SWAP70: variants seen among roughly 807,000 people sequenced by gnomAD.
SWAP70 encodes switching B cell complex subunit SWAP70.
SWAP70 carries 34 observed loss-of-function variants against 80.2 expected under a neutral mutation model. The ratio of observed to expected loss-of-function variants is 0.42; its 90% confidence interval spans 0.32 to 0.56. The LOEUF (loss-of-function observed/expected upper bound fraction) is 0.56. SWAP70 is among the 20% of genes least tolerant of loss of function. The probability of loss-of-function intolerance (pLI) is 0.09; values close to 1 mark genes in which losing one functional copy is unlikely to be tolerated. For synonymous variants in SWAP70, 239 were observed against 238.5 expected (o/e 1.00, Z -0.02); for missense variants, 578 against 690.7 (o/e 0.84, Z 1.83).
intron 1 of SWAP70, among the ~76,000 whole-genome samples, chr11:9,671,765 TAATATA>T (rs1254876128): frequency 2.1e-5 from 1 of 47,968 alleles, no homozygotes; most frequent in Non-Finnish European, 3.7e-5. Context: ...TATAAATATA[TAATATA>T]AATATAATAT....
intron 4 of SWAP70, among the ~76,000 whole-genome samples, chr11:9,725,528 AAAATATAT>A (rs1165547156): frequency 1.1e-4 from 8 of 74,786 alleles, no homozygotes; most frequent in Admixed American, 1.9e-4. Flanking sequence ...TTAAAAATAC[AAAATATAT>A]ATATATATAT....
chr11:9,674,504 A>G (rs1850461998), intron 1 of SWAP70, among the ~76,000 whole-genome samples: 1 of 151,922 alleles, frequency 6.6e-6, no homozygotes, highest in Non-Finnish European at 1.5e-5. Context: ...GTTTGAAAAC[A>G]GCCTGGAAAA....
At chr11:9,701,722 G>GAC (rs1850835860) in intron 2 of SWAP70, among the ~76,000 whole-genome samples, 2 of 114,104 alleles carry the variant, frequency 1.8e-5, no homozygotes, top group Non-Finnish European at 3.5e-5. Context: ...TTTTGGCAGA[G>GAC]ACACTATTGC....
At chr11:9,688,069 A>G (rs534040967) in intron 1 of SWAP70, among the ~76,000 whole-genome samples, 29 of 152,132 alleles carry the variant, frequency 1.9e-4, no homozygotes, top group African/African-American at 7.0e-4. Flanking sequence ...ACTTAGGCCA[A>G]GTCTCAGGCC....
chr11:9,722,241 A>AG (rs35089839), intron 3 of SWAP70, among the ~76,000 whole-genome samples: 49,655 of 151,990 alleles, frequency 0.33, 8,321 homozygotes, highest in Non-Finnish European at 0.35. Flanking sequence ...ATTAAGGCTT[A>AG]CTTAGTTAAT....
chr11:9,681,081 C>T (rs1444370108), intron 1 of SWAP70: 1 of 153,948 alleles, frequency 6.5e-6, no homozygotes, highest in Non-Finnish European at 1.5e-5. Context: ...AACGACCATC[C>T]TCGATAGAGG....
intron 3 of SWAP70, among the ~76,000 whole-genome samples, chr11:9,724,196 G>A (rs1033172025): frequency 2.6e-5 from 4 of 152,192 alleles, no homozygotes; most frequent in African/African-American, 9.7e-5. Context: ...TGTTCCAGTG[G>A]GAGGAAGCAG....
intron 9 of SWAP70, among the ~76,000 whole-genome samples, chr11:9,743,364 G>A (rs542549528): frequency 4.6e-5 from 7 of 151,818 alleles, no homozygotes; most frequent in African/African-American, 1.2e-4. Flanking sequence ...AAACATACTT[G>A]TGCATGTGTC....
At chr11:9,723,123 G>A (rs1851161376) in intron 3 of SWAP70, among the ~76,000 whole-genome samples, 1 of 152,074 alleles carries the variant, frequency 6.6e-6, no homozygotes, top group South Asian at 2.1e-4. Context: ...GTCAGGCTCT[G>A]GCTTTTGTTT....
At position 9,732,547 on chromosome 11, in the gene SWAP70, A is replaced by G. The variant is rs746954278; in HGVS notation, c.917A>G (p.His306Arg). The G allele has an allele frequency of 1.1e-5, 18 of 1,605,886 alleles. No individual in the cohort carries two copies. The highest frequency in any genetic ancestry group is 3.4e-5 in the Admixed American group (2 of 59,234). ...TTTACAGCCATTCATTCTACTATTC[A>G]TCTGTTGAAGCTGGGCAGCCCTCCA... ...EWIQAIHSTI[H>R]LLKLGSPPPH... The change falls in exon 7 of 12, where the codon CAT becomes CGT. Residue 306 changes from histidine to arginine, a missense_variant. Coordinates refer to ENST00000318950, the MANE Select transcript of SWAP70 (RefSeq NM_015055.4).
At position 9,709,326 on chromosome 11, in the gene SWAP70, G is replaced by A. The variant is rs570738064; in HGVS notation, c.241-4140G>A. On this transcript the variant is annotated intron_variant, in intron 2 of 11. Coordinates refer to ENST00000318950, the MANE Select transcript of SWAP70 (RefSeq NM_015055.4). ...ATGTTTTTGGTAGAAATAAGATGTC[G>A]CTATATTGCCTATATTGGTCTCGAG... 3.5e-4 allele frequency among the ~76,000 whole-genome samples: 53 copies of A among 152,038 alleles called. 1 individual carries two copies. Among genetic ancestry groups the A allele is most frequent in the South Asian group, 8.3e-4 (4 of 4,816 alleles).
intron 1 of SWAP70, among the ~76,000 whole-genome samples, chr11:9,682,374 T>G (rs1481562394): frequency 6.6e-6 from 1 of 152,166 alleles, no homozygotes; most frequent in Non-Finnish European, 1.5e-5. Flanking sequence ...GATACCAAAG[T>G]CAGAATCAGG....
At chr11:9,706,395 C>T (rs67598578) in intron 2 of SWAP70, among the ~76,000 whole-genome samples, 15,477 of 151,386 alleles carry the variant, frequency 0.1, 1,552 homozygotes, top group African/African-American at 0.25. Flanking sequence ...TGTTTTTTTT[C>T]CCCCCATTTT....
chr11:9,746,036 C>T (rs137894498), intron 9 of SWAP70, among the ~76,000 whole-genome samples: 1 of 152,326 alleles, frequency 6.6e-6, no homozygotes, highest in East Asian at 1.9e-4. Flanking sequence ...CAGGCATCAG[C>T]AGTGCCATCG....
At chr11:9,699,785 G>A (rs1345635562) in intron 2 of SWAP70, among the ~76,000 whole-genome samples, 2 of 151,876 alleles carry the variant, frequency 1.3e-5, no homozygotes, top group Non-Finnish European at 2.9e-5. Flanking sequence ...GAGCCTAGGA[G>A]TTTGAGGTTA....
intron 1 of SWAP70, among the ~76,000 whole-genome samples, chr11:9,679,515 T>C (rs1376553477): frequency 6.6e-6 from 1 of 152,214 alleles, no homozygotes; most frequent in African/African-American, 2.4e-5. Flanking sequence ...CTGACTCCAG[T>C]CTCAGTGATC....
intron 1 of SWAP70, among the ~76,000 whole-genome samples, chr11:9,668,972 A>G (rs1850341016): frequency 6.6e-6 from 1 of 152,196 alleles, no homozygotes; most frequent in African/African-American, 2.4e-5. Context: ...TAAAGAAGGC[A>G]CACTCTCTCT....
intron 1 of SWAP70, among the ~76,000 whole-genome samples, chr11:9,674,052 A>C (rs985739358): frequency 3.3e-5 from 5 of 152,080 alleles, no homozygotes; most frequent in African/African-American, 9.7e-5. Flanking sequence ...GGTGTATGCC[A>C]CCATACCCGG....
intron 4 of SWAP70, among the ~76,000 whole-genome samples, chr11:9,725,564 TATATA>T (rs1315674465): frequency 0.066 from 1,108 of 16,674 alleles, 14 homozygotes; most frequent in Admixed American, 0.12. Context: ...TATATATATA[TATATA>T]TTTTTTTTTT....
Sources: gnomAD v4.1 joint callset for allele counts (sites outside exome capture counted in the v4.1 genomes callset) on GRCh38, gnomAD v4.1.1 for gene constraint, MANE v1.5 for transcripts, NCBI Gene and HGNC (gene_info 2026-07-23, HGNC 2026-07-21) for gene names.